DNAH3: variants seen among roughly 807,000 people sequenced by gnomAD.
The protein encoded by DNAH3 is axonemal beta dynein heavy chain 3.
In DNAH3, 332 loss-of-function variants were observed where a neutral mutation model predicts 432.5. That is an observed-to-expected ratio of 0.77 (90% CI 0.70 to 0.84). The LOEUF is 0.84. Among genes scored for constraint, DNAH3 ranks in the 40% least tolerant of loss-of-function variants. DNAH3 has a pLI of 0.00. For synonymous variants in DNAH3, 1,956 were observed against 1,900.2 expected (o/e 1.03, Z -0.76); for missense variants, 4,861 against 5,114.0 (o/e 0.95, Z 1.51).
chr16:21,144,742 A>G (rs1284936985), intron 3 of DNAH3, among the ~76,000 whole-genome samples: 4 of 152,172 alleles, frequency 2.6e-5, no homozygotes, highest in Non-Finnish European at 4.4e-5. Context: ...TCCTCCATAG[A>G]TAAGGAGGAG....
Position 21,036,719 on chromosome 16 carries a change from TA to T in DNAH3, c.5079del (p.Ile1694SerfsTer6), listed in dbSNP as rs1567677107. 6.2e-7 allele frequency: 1 copy of T among 1,613,978 alleles called. No individual in the cohort carries two copies. The highest frequency in any genetic ancestry group is 2.2e-5 in the East Asian group (1 of 44,884). On this transcript the variant is annotated frameshift_variant, in exon 35 of 62. Coordinates refer to ENST00000261383, the Ensembl canonical transcript of DNAH3. LOFTEE classifies it high-confidence loss of function. ...ATATGGGCTAAGGAACCAACCTGGA[TA>T]ATTTTCCCTATAAACCAAGGTACTG...
intron 5 of DNAH3, among the ~76,000 whole-genome samples, chr16:21,136,866 G>A (rs890641935): frequency 2.6e-5 from 4 of 152,070 alleles, no homozygotes. Context: ...CAGGTGTGGT[G>A]GCTTACACCT....
At chr16:20,992,536 C>T (rs1248515252) in intron 44 of DNAH3, among the ~76,000 whole-genome samples, 4 of 152,064 alleles carry the variant, frequency 2.6e-5, no homozygotes, top group African/African-American at 9.7e-5. Context: ...TTAGTAGAGA[C>T]GGGGTTTCAC....
At chr16:21,034,045 A>G in exon 36 of DNAH3, 1 of 1,613,782 alleles carries the variant, frequency 6.2e-7, no homozygotes, top group Non-Finnish European at 8.5e-7. Context: ...GGGGTCTCCT[A>G]CAATCATATA....
chr16:21,126,793 T>C (rs975831875), intron 8 of DNAH3, among the ~76,000 whole-genome samples: 9 of 152,054 alleles, frequency 5.9e-5, no homozygotes, highest in Non-Finnish European at 1.2e-4. Flanking sequence ...GCAGCGGCAT[T>C]AGATTCTCAC....
Position 21,146,204 on chromosome 16 carries a change from C to G in DNAH3, c.118-116G>C. 3 of 639,480 alleles carry G rather than the reference C, an allele frequency of 4.7e-6. No homozygotes were observed. The South Asian group carries it at 5.5e-5, about 12-fold the overall frequency. 39.6% of individuals were successfully genotyped at this position (639,480 alleles called of 1,614,324 possible). On this transcript the variant is annotated intron_variant, in intron 1 of 61. Coordinates refer to ENST00000261383, the Ensembl canonical transcript of DNAH3. ...AAGTTTTAGGTCCAGAGTTCTGGAC[C>G]TAAAACAAAACACTCCTCTCATTCC...
intron 41 of DNAH3, among the ~76,000 whole-genome samples, chr16:21,016,067 G>C (rs921221192): frequency 2.0e-5 from 3 of 151,980 alleles, no homozygotes; most frequent in East Asian, 1.9e-4. Flanking sequence ...GGGATTACAG[G>C]TGTGAGCCAC....
At chr16:21,096,684 C>G (rs2091691276) in intron 18 of DNAH3, among the ~76,000 whole-genome samples, 1 of 151,536 alleles carries the variant, frequency 6.6e-6, no homozygotes, top group South Asian at 2.1e-4. Context: ...GTTTTTTTCC[C>G]AACAAATCTG....
intron 33 of DNAH3, 114 bp from the exon 34 acceptor site, chr16:21,038,094 T>C: frequency 2.5e-6 from 2 of 814,066 alleles, no homozygotes; most frequent in Non-Finnish European, 4.0e-6. Flanking sequence ...CCCATGGACT[T>C]GATGGAGAAG....
At chr16:21,092,348 C>T (rs995096985) in intron 18 of DNAH3, among the ~76,000 whole-genome samples, 1 of 151,666 alleles carries the variant, frequency 6.6e-6, no homozygotes, top group African/African-American at 2.4e-5. Context: ...GATAAAAGAG[C>T]AAAGGCAATA....
chr16:21,098,498 T>G, intron 17 of DNAH3, 118 bp downstream of exon 17: 4 of 900,082 alleles, frequency 4.4e-6, no homozygotes, highest in Non-Finnish European at 6.2e-6. Flanking sequence ...AACTGGCCAA[T>G]GAGTTAACCA....
chr16:21,037,631 G>A (rs767317177), intron 34 of DNAH3, 130 bp downstream of exon 34: 1 of 692,112 alleles, frequency 1.4e-6, no homozygotes, highest in Non-Finnish European at 2.5e-6. Context: ...TGCAGGGAGG[G>A]TATCAGGTGG....
chr16:21,004,683 C>T (rs1017415606), intron 41 of DNAH3, among the ~76,000 whole-genome samples: 8 of 151,718 alleles, frequency 5.3e-5, no homozygotes, highest in African/African-American at 1.9e-4. Context: ...CCGTCTCTTT[C>T]TTTCCTTCCC....
intron 31 of DNAH3, among the ~76,000 whole-genome samples, chr16:21,043,505 T>A (rs1423536030): frequency 1.1e-5 from 1 of 88,952 alleles, no homozygotes. Context: ...CTTTGCCCAC[T>A]TTTTGATGGG....
chr16:21,000,013 G>A (rs1223525110), intron 43 of DNAH3, among the ~76,000 whole-genome samples: 1 of 151,286 alleles, frequency 6.6e-6, no homozygotes, highest in Non-Finnish European at 1.5e-5. Context: ...AAGGAGAAAA[G>A]GAGGGAAGAA....
intron 1 of DNAH3, among the ~76,000 whole-genome samples, chr16:21,152,383 A>C (rs1392962467): frequency 6.6e-6 from 1 of 152,192 alleles, no homozygotes; most frequent in South Asian, 2.1e-4. Context: ...GAACACAAAC[A>C]TTCCCGAGTT....
intron 31 of DNAH3, among the ~76,000 whole-genome samples, chr16:21,048,748 C>G (rs1475600410): frequency 6.6e-6 from 1 of 151,464 alleles, no homozygotes; most frequent in Non-Finnish European, 1.5e-5. Context: ...GCCTGGAGTG[C>G]AATGGTTAGA....
intron 1 of DNAH3, among the ~76,000 whole-genome samples, chr16:21,154,786 C>G (rs982495537): frequency 3.3e-5 from 5 of 152,144 alleles, no homozygotes; most frequent in Admixed American, 3.3e-4. Flanking sequence ...TACATGTAAT[C>G]TGAGGAAAGG....
intron 43 of DNAH3, among the ~76,000 whole-genome samples, chr16:20,999,730 A>C: frequency 6.6e-6 from 1 of 152,216 alleles, no homozygotes; most frequent in Non-Finnish European, 1.5e-5. Context: ...AAGTGACCGA[A>C]GTGAGGAAAC....
Sources: gnomAD v4.1 joint callset for allele counts (sites outside exome capture counted in the v4.1 genomes callset) on GRCh38, gnomAD v4.1.1 for gene constraint, MANE v1.5 for transcripts, NCBI Gene and HGNC (gene_info 2026-07-23, HGNC 2026-07-21) for gene names.